The following TTLL7 variants were observed in gnomAD, a reference collection of about 807,000 sequenced individuals.
TTLL7 encodes tubulin tyrosine ligase like 7, also known as tubulin polyglutamylase TTLL7.
TTLL7 carries 53 observed loss-of-function variants against 120.2 expected under a neutral mutation model. The ratio of observed to expected loss-of-function variants is 0.44; its 90% CI spans 0.35 to 0.55. TTLL7 has a LOEUF of 0.55. TTLL7 is among the 20% of genes least tolerant of loss of function. TTLL7 has a pLI of 0.00. For missense variants in TTLL7, 803 were observed against 1,054.7 expected, an observed-to-expected ratio of 0.76 and a Z score of 3.31; for synonymous variants, 353 against 351.7, an observed-to-expected ratio of 1.00 and a Z score of -0.04.
intron 1 of TTLL7, among the ~76,000 whole-genome samples, chr1:83,994,852 C>T (rs1001799355): frequency 6.6e-6 from 1 of 152,140 alleles, no homozygotes; most frequent in Non-Finnish European, 1.5e-5. Context: ...GACCCTGAAG[C>T]TGGAGACCTG....
rs1421472121 is a variant in TTLL7 at position 83,904,010 on chromosome 1, A to T, written c.2208+69T>A. ...GAGCAAATATACAGTCTGTCTATGA[A>T]TTTGGCTTAATGATCCTAGCTTAAT... On this transcript the variant is annotated intron_variant, in intron 18 of 20. Coordinates refer to ENST00000260505, the MANE Select transcript of TTLL7 (RefSeq NM_024686.6). 13 of 1,164,712 alleles carry T rather than the reference A, an allele frequency of 1.1e-5. No individual in the cohort carries two copies. The East Asian group carries it at 2.8e-4, about 25-fold the overall frequency. The allele number at this position is 1,164,712 out of a possible 1,614,324, so 72.1% of individuals were successfully genotyped here. A position where few individuals can be genotyped will look rare whatever the true frequency, so the allele number is the denominator to read the frequency against.
At chr1:83,991,571 G>C (rs1458153139) in intron 1 of TTLL7, among the ~76,000 whole-genome samples, 1 of 152,104 alleles carries the variant, frequency 6.6e-6, no homozygotes, top group East Asian at 1.9e-4. Context: ...TTGAGCCCAG[G>C]AATTTAAGGC....
chr1:83,887,135 A>T (rs936274898), intron 19 of TTLL7: 26 of 719,450 alleles, frequency 3.6e-5, no homozygotes, highest in Middle Eastern at 3.3e-4. Flanking sequence ...GATCTACATT[A>T]CTCTGGTGTT....
intron 1 of TTLL7, among the ~76,000 whole-genome samples, chr1:83,976,657 T>C (rs1383042991): frequency 6.6e-6 from 1 of 152,110 alleles, no homozygotes; most frequent in Non-Finnish European, 1.5e-5. Flanking sequence ...AAAGATGACA[T>C]CAAAGGAGAA....
In TTLL7 at chr1:83,865,533, GA is replaced by G. The variant is rs1570980037; in HGVS notation, c.*4428del. ...AATATACGATACATCCCTTTATGAC[GA>G]GGTCCAAAAAGCACCAAAAAATGGC... On this transcript the variant is annotated 3_prime_UTR_variant, in exon 21 of 21. Transcript: ENST00000260505. 6.6e-6 allele frequency: 1 copy of G among 151,988 alleles called. No individual in the cohort carries two copies. Among genetic ancestry groups the G allele is most frequent in the East Asian group, 1.9e-4 (1 of 5,182 alleles). 9.4% of individuals were successfully genotyped at this position (151,988 alleles called of 1,614,324 possible).
chr1:83,974,974 GCTCT>G (rs1651330143), intron 1 of TTLL7, among the ~76,000 whole-genome samples: 1 of 151,960 alleles, frequency 6.6e-6, no homozygotes, highest in South Asian at 2.1e-4. Flanking sequence ...AATAAGCAGT[GCTCT>G]CTCTTTTTAT....
At chr1:83,880,211 A>T (rs1654323066) in intron 20 of TTLL7, 1 of 151,976 alleles carries the variant, frequency 6.6e-6, no homozygotes, top group Non-Finnish European at 1.5e-5. Context: ...AACCATTAAA[A>T]CTGTAGAATA....
chr1:83,976,667 A>G (rs140290609), intron 1 of TTLL7, among the ~76,000 whole-genome samples: 28 of 152,242 alleles, frequency 1.8e-4, no homozygotes, highest in Admixed American at 7.2e-4. Flanking sequence ...TCAAAGGAGA[A>G]GGAAGACAAA....
At chr1:83,943,748 C>CAAAGGA (rs1252738539) in intron 6 of TTLL7, among the ~76,000 whole-genome samples, 1 of 151,916 alleles carries the variant, frequency 6.6e-6, no homozygotes, top group Non-Finnish European at 1.5e-5. Flanking sequence ...ATGAGGCATG[C>CAAAGGA]AAAGGAAAAA....
chr1:83,891,936 T>G (rs1422797094), intron 18 of TTLL7, among the ~76,000 whole-genome samples: 3 of 151,798 alleles, frequency 2.0e-5, no homozygotes, highest in Admixed American at 6.6e-5. Context: ...CAAGCTATCC[T>G]CCCATCTCAG....
intron 15 of TTLL7, among the ~76,000 whole-genome samples, chr1:83,909,997 G>C (rs1657538725): frequency 6.6e-6 from 1 of 151,998 alleles, no homozygotes; most frequent in Admixed American, 6.6e-5. Context: ...TGTGTAACAG[G>C]TGCTCAATAA....
intron 18 of TTLL7, among the ~76,000 whole-genome samples, chr1:83,897,553 C>T (rs1214751805): frequency 1.3e-5 from 2 of 152,122 alleles, no homozygotes; most frequent in African/African-American, 2.4e-5. Context: ...GGCTTCCCCA[C>T]TGGGGATCCA....
chr1:83,883,182 T>C (rs1293362937), intron 19 of TTLL7, 46 bp from the exon 20 acceptor site: 2 of 1,500,410 alleles, frequency 1.3e-6, no homozygotes, highest in South Asian at 1.3e-5. Context: ...CTGTTAAAAA[T>C]GACAACCAGC....
chr1:83,880,821 C>T lies in TTLL7; in HGVS notation c.2543+2142G>A, dbSNP rs374310822. Reference sequence around the variant, plus strand: ...CAAAAGAACAAAGCTGGAGGCATCACGCTACCTGACTTCAAACTATACTAC... The same window carrying T: ...CAAAAGAACAAAGCTGGAGGCATCATGCTACCTGACTTCAAACTATACTAC... On this transcript the variant is annotated intron_variant, in intron 20 of 20. Coordinates refer to ENST00000260505, the MANE Select transcript of TTLL7 (RefSeq NM_024686.6). 2.6e-3 allele frequency among the ~76,000 whole-genome samples: 391 copies of T among 151,720 alleles called. 2 individuals carry two copies. The highest frequency in any genetic ancestry group is 8.8e-3 in the African/African-American group (364 of 41,400).
At chr1:83,963,739 T>C (rs1650212174) in intron 1 of TTLL7, among the ~76,000 whole-genome samples, 1 of 152,124 alleles carries the variant, frequency 6.6e-6, no homozygotes, top group African/African-American at 2.4e-5. Context: ...TGAGCTAAAC[T>C]GCTGAGCTAC....
At chr1:83,935,383 A>G (rs952639741) in intron 8 of TTLL7, among the ~76,000 whole-genome samples, 2 of 152,132 alleles carry the variant, frequency 1.3e-5, no homozygotes, top group African/African-American at 4.8e-5. Context: ...TAGATTGTAA[A>G]GGCAAGTTTT....
chr1:83,969,198 T>G (rs147451703), intron 1 of TTLL7, among the ~76,000 whole-genome samples: 386 of 151,860 alleles, frequency 2.5e-3, no homozygotes, highest in African/African-American at 8.9e-3. Flanking sequence ...TAGAGTAATT[T>G]GGTAAAAAAA....
intron 1 of TTLL7, among the ~76,000 whole-genome samples, chr1:83,989,471 T>C (rs1358268237): frequency 2.0e-5 from 3 of 152,160 alleles, no homozygotes; most frequent in Non-Finnish European, 4.4e-5. Context: ...TTGTTAACCA[T>C]GTGGCTTTAT....
At chr1:83,938,814 C>T (rs1647660084) in intron 7 of TTLL7, among the ~76,000 whole-genome samples, 1 of 152,146 alleles carries the variant, frequency 6.6e-6, no homozygotes, top group South Asian at 2.1e-4. Context: ...AATTCCTACC[C>T]TCCTCATGAT....
Sources: gnomAD v4.1 joint callset for allele counts (sites outside exome capture counted in the v4.1 genomes callset) on GRCh38, gnomAD v4.1.1 for gene constraint, MANE v1.5 for transcripts, NCBI Gene and HGNC (gene_info 2026-07-23, HGNC 2026-07-21) for gene names.